Variants in NOTCH2 observed in about 807,000 individuals in gnomAD.
The protein encoded by NOTCH2 is notch receptor 2, also known as neurogenic locus notch homolog protein 2.
In NOTCH2, 29 loss-of-function variants were observed where a neutral mutation model predicts 235.8. That is an observed-to-expected ratio of 0.12 (90% confidence interval 0.09 to 0.17). The LOEUF is 0.17. Among genes scored for constraint, NOTCH2 ranks in the 10% least tolerant of loss-of-function variants. NOTCH2 has a pLI of 1.00. For synonymous variants in NOTCH2, 1,086 were observed against 1,141.5 expected, an observed-to-expected ratio of 0.95 and a Z score of 0.98; for missense variants, 2,285 against 3,150.2, an observed-to-expected ratio of 0.73 and a Z score of 6.57.
chr1:119,915,545 C>G lies in NOTCH2; in HGVS notation c.7177G>C (p.Ala2393Pro), dbSNP rs1649034600. 1 of 1,613,954 alleles carries G rather than the reference C, an allele frequency of 6.2e-7. No homozygotes were observed. Among genetic ancestry groups the G allele is most frequent in the Admixed American group, 1.7e-5 (1 of 60,012 alleles). Residue 2393 changes from alanine to proline, a missense_variant, in exon 34 of 34, where the codon GCT becomes CCT. Ala to Pro is a conservative substitution (Grantham distance 27). Transcript: ENST00000256646. ...GTTCGCTCAGCAGCATTTGAGGAAG[C>G]ATAACTGTGCTGTGAAGGGGGTGTG... ...YPTPPSQHSYASSNAAERTPS... is the reference protein window; with the variant it reads ...YPTPPSQHSYPSSNAAERTPS...
chr1:119,920,384 G>A lies in NOTCH2; in HGVS notation c.5324C>T (p.Ala1775Val). 8 of 1,614,178 alleles carry A rather than the reference G, an allele frequency of 5.0e-6. No individual in the cohort carries two copies. Among genetic ancestry groups the A allele is most frequent in the Non-Finnish European group, 6.8e-6 (8 of 1,180,040 alleles). ...QPKKVKAEDE[A>V]LLSEEDDPID... ...GGGGTCATCTTCTTCTGAGAGTAAG[G>A]CCTCATCTTCAGCCTGAAAGGTGAA... Residue 1775 changes from alanine to valine, a missense_variant, in exon 30 of 34, where the codon GCC becomes GTC. Physicochemically the swap from Ala to Val is moderately conservative, Grantham distance 64. This residue lies in a region of NOTCH2 where 1,173 missense variants were observed against 1,515.3 expected (regional missense o/e 0.77). Coordinates refer to ENST00000256646, the MANE Select transcript of NOTCH2 (RefSeq NM_024408.4).
rs1050706168 is a variant in NOTCH2, at chr1:119,915,970, G to A, written c.6752C>T (p.Ala2251Val). Residue 2251 changes from alanine (A) to valine (V), a missense_variant, in exon 34 of 34, where the codon GCA becomes GTA. This residue lies in a region of NOTCH2 where 504 missense variants were observed against 538.0 expected (regional missense o/e 0.94). Transcript: ENST00000256646. Reference protein sequence around the residue: ...LSRLHPVPVPADWMNRMEVNE... With the variant: ...LSRLHPVPVPVDWMNRMEVNE... ...CACCTCCATGCGGTTCATCCAATCT[G>A]CTGGGACTGGGACTGGATGGAGCCT... 6.2e-6 allele frequency: 10 copies of A among 1,614,058 alleles called. No individual in the cohort carries two copies. The highest frequency in any genetic ancestry group is 8.5e-6 in the Non-Finnish European group (10 of 1,180,034).
At position 119,925,214 on chromosome 1, in the gene NOTCH2, C is replaced by T. The variant is rs1649433088; in HGVS notation, c.4511+91G>A. On this transcript the variant is annotated intron_variant, in intron 25 of 33. Coordinates refer to ENST00000256646, the MANE Select transcript of NOTCH2 (RefSeq NM_024408.4). ...ATCTGAAAAGCAGAGGCAGCTTAGG[C>T]TGAAGCACTGGAGTGGTTAGGAGCA... The T allele has an allele frequency of 2.0e-6, 3 of 1,530,728 alleles. No individual in the cohort carries two copies. The African/African-American group carries it at 4.1e-5, about 21-fold the overall frequency. The allele number at this position is 1,530,728 out of a possible 1,614,324, so 94.8% of individuals were successfully genotyped here. A position where few individuals can be genotyped will look rare whatever the true frequency, so the allele number is the denominator to read the frequency against.
rs1191837312 is a variant in NOTCH2 at position 119,940,599 on chromosome 1, A to G, written c.3139T>C (p.Tyr1047His). The G allele has an allele frequency of 4.3e-6, 7 of 1,614,028 alleles. No homozygotes were observed. In the African/African-American group the frequency reaches 9.3e-5, roughly 22 times the overall value. ...EGTCVDGLGTYRCSCPLGYTG... is the reference protein window; with the variant it reads ...EGTCVDGLGTHRCSCPLGYTG... ...TAGCCCAGGGGGCAGCTGCAGCGGT[A>G]GGTACCCAGGCCATCAACACACGTT... The change falls in exon 19 of 34, where the codon TAC (tyrosine) becomes CAC (histidine). Residue 1047 changes from tyrosine (Y) to histidine (H), a missense_variant. This residue lies in a region of NOTCH2 where 1,173 missense variants were observed against 1,515.3 expected (regional missense o/e 0.77). Coordinates refer to ENST00000256646, the MANE Select transcript of NOTCH2 (RefSeq NM_024408.4).
intron 6 of NOTCH2, among the ~76,000 whole-genome samples, chr1:119,968,586 G>C (rs1323871351): frequency 1.3e-5 from 2 of 152,156 alleles, no homozygotes; most frequent in Non-Finnish European, 2.9e-5. Context: ...TTGAATTTTA[G>C]ATAAACAAGA....
At chr1:119,918,305 T>G (rs1373478182) in intron 32 of NOTCH2, 101 bp downstream of exon 32, 1 of 1,294,202 alleles carries the variant, frequency 7.7e-7, no homozygotes, top group Non-Finnish European at 1.1e-6. Flanking sequence ...CTCTCACGTA[T>G]TTGGATCTCA....
At position 119,981,047 on chromosome 1, in the gene NOTCH2, A is replaced by C. The variant is rs372196417; in HGVS notation, c.874+5913T>G. Among the ~76,000 whole-genome samples, 16 of 152,238 alleles carry C rather than the reference A, an allele frequency of 1.1e-4. No homozygotes were observed. In the East Asian group the frequency reaches 2.5e-3, roughly 24 times the overall value. ...CCAATTTCCCTCACAGACTTGACAC[A>C]TTCCATGGTAACCCTGAGTCTCTCG... On this transcript the variant is annotated intron_variant, in intron 5 of 33. Coordinates refer to ENST00000256646, the MANE Select transcript of NOTCH2 (RefSeq NM_024408.4).
chr1:119,956,817 A>C (rs138482956), intron 12 of NOTCH2, among the ~76,000 whole-genome samples: 1 of 152,180 alleles, frequency 6.6e-6, no homozygotes, highest in East Asian at 1.9e-4. Context: ...TTTTCAAGCC[A>C]TCTTTATCTG....
intron 12 of NOTCH2, among the ~76,000 whole-genome samples, chr1:119,958,734 G>GTC (rs1369407169): frequency 5.3e-5 from 8 of 151,918 alleles, no homozygotes; most frequent in Non-Finnish European, 8.8e-5. Flanking sequence ...GTGTGTGTGT[G>GTC]TGTGTGTCTG....
intron 10 of NOTCH2, 77 bp from the exon 11 acceptor site, chr1:119,963,884 C>CATTTTA: frequency 8.1e-7 from 1 of 1,230,094 alleles, no homozygotes; most frequent in South Asian, 1.2e-5. Flanking sequence ...GTAGCTACAT[C>CATTTTA]CATTTACTCT....
intron 1 of NOTCH2, among the ~76,000 whole-genome samples, chr1:120,068,183 G>A (rs879986295): frequency 2.2e-4 from 28 of 127,838 alleles, no homozygotes; most frequent in African/African-American, 7.8e-4. Context: ...CCTCGGCCCT[G>A]AAAGGACTTT....
At chr1:119,948,618 A>G in intron 16 of NOTCH2, 52 bp from the exon 17 acceptor site, 1 of 1,606,662 alleles carries the variant, frequency 6.2e-7, no homozygotes, top group Non-Finnish European at 8.5e-7. Context: ...TGATTCCCAC[A>G]AAAATCTACG....
intron 10 of NOTCH2, among the ~76,000 whole-genome samples, chr1:119,964,895 T>C (rs1190986657): frequency 6.6e-6 from 1 of 152,214 alleles, no homozygotes; most frequent in African/African-American, 2.4e-5. Flanking sequence ...TGCAGAATAT[T>C]TGTGCACAGA....
intron 22 of NOTCH2, among the ~76,000 whole-genome samples, chr1:119,931,793 C>T (rs929614762): frequency 2.0e-5 from 3 of 151,568 alleles, no homozygotes; most frequent in African/African-American, 7.3e-5. Context: ...TTGCTAACTA[C>T]AACTCAAAAT....
At chr1:120,063,339 A>G (rs1467277272) in intron 1 of NOTCH2, among the ~76,000 whole-genome samples, 1 of 151,688 alleles carries the variant, frequency 6.6e-6, no homozygotes, top group Non-Finnish European at 1.5e-5. Context: ...ATATGTGTTC[A>G]TGAGCTAATG....
At chr1:120,011,972 C>T (rs1204258253) in intron 2 of NOTCH2, among the ~76,000 whole-genome samples, 58 of 145,334 alleles carry the variant, frequency 4.0e-4, no homozygotes, top group East Asian at 2.0e-3. Context: ...GCCAAGATCG[C>T]GCCACTGCAC....
At chr1:119,964,116 A>C (rs1651046002) in intron 10 of NOTCH2, among the ~76,000 whole-genome samples, 1 of 152,178 alleles carries the variant, frequency 6.6e-6, no homozygotes, top group Admixed American at 6.5e-5. Flanking sequence ...AACAGCTCAA[A>C]ATATTTTTCC....
rs782439330 is a variant in NOTCH2, at chr1:119,929,140, T to C, written c.3728A>G (p.Asp1243Gly). ...PHCLNGGQCM[D>G]RIGGYSCRCL... is the part of the protein sequence containing the mutation. ...GCGACAACTGTAGCCTCCAATCCTA[T>C]CCATGCACTGACCACCATTAAGGCA... The change falls in exon 23 of 34, where the codon GAT becomes GGT. Residue 1243 changes from aspartate to glycine, a missense_variant. By Grantham distance (94) the Asp-to-Gly change is moderately conservative (BLOSUM62 -1). Coordinates refer to ENST00000256646, the MANE Select transcript of NOTCH2 (RefSeq NM_024408.4). 1 of 1,614,134 alleles carries C rather than the reference T, an allele frequency of 6.2e-7. No homozygotes were observed. The highest frequency in any genetic ancestry group is 1.1e-5 in the South Asian group (1 of 91,074).
intron 22 of NOTCH2, among the ~76,000 whole-genome samples, chr1:119,930,198 T>C (rs1649609033): frequency 6.6e-6 from 1 of 152,186 alleles, no homozygotes; most frequent in South Asian, 2.1e-4. Flanking sequence ...TGTAAAAATA[T>C]TGGTAACAAC....
Sources: gnomAD v4.1 joint callset for allele counts (sites outside exome capture counted in the v4.1 genomes callset) on GRCh38, gnomAD v4.1.1 for gene constraint, gnomAD v4.1.1 regional missense constraint, MANE v1.5 for transcripts, NCBI Gene and HGNC (gene_info 2026-07-23, HGNC 2026-07-21) for gene names.